Variants in DYTN observed in about 807,000 individuals in gnomAD.
The protein encoded by DYTN is dystrotelin.
In DYTN, 75 loss-of-function variants were observed where a neutral mutation model predicts 69.6. That is an observed-to-expected ratio of 1.08 (90% confidence interval 0.89 to 1.31). The LOEUF (loss-of-function observed/expected upper bound fraction) is 1.31. DYTN is among the 50% of genes most tolerant of loss of function. The pLI is 0.00. For missense variants in DYTN, 726 were observed against 688.4 expected (o/e 1.05, Z -0.61); for synonymous variants, 252 against 249.1 (o/e 1.01, Z -0.11).
At chr2:206,691,239 C>T (rs1392915966) in intron 9 of DYTN, among the ~76,000 whole-genome samples, 2 of 152,040 alleles carry the variant, frequency 1.3e-5, no homozygotes, top group African/African-American at 2.4e-5. Context: ...ATGGTGAAAC[C>T]CCGTCTCTAC....
intron 9 of DYTN, among the ~76,000 whole-genome samples, chr2:206,688,692 G>C (rs1699836465): frequency 6.6e-6 from 1 of 152,150 alleles, no homozygotes; most frequent in African/African-American, 2.4e-5. Context: ...ACAAAAATCA[G>C]CTATTAATTT....
chr2:206,696,188 G>A (rs1337637206), intron 7 of DYTN, among the ~76,000 whole-genome samples: 1 of 152,164 alleles, frequency 6.6e-6, no homozygotes, highest in African/African-American at 2.4e-5. Flanking sequence ...TTAAAGCAAA[G>A]AAAATCCCAA....
Position 206,704,970 on chromosome 2 carries a change from A to G in DYTN, c.383-27T>C, listed in dbSNP as rs1175377595. 5.1e-6 allele frequency: 8 copies of G among 1,568,226 alleles called. No individual in the cohort carries two copies. In the African/African-American group the frequency reaches 6.8e-5, roughly 13 times the overall value. The stretch of plus-strand genomic sequence containing the variant: ...TAGACATGTAGGAGGAACAATCTTT[A>G]AATTGAATACTTGCAATGTATCTTT... On this transcript the variant is annotated intron_variant, in intron 4 of 11. Coordinates refer to ENST00000452335, the MANE Select transcript of DYTN (RefSeq NM_001093730.1).
Position 206,681,046 on chromosome 2 carries a change from C to T in DYTN, c.980+12129G>A, listed in dbSNP as rs180948166. Among the ~76,000 whole-genome samples, 541 of 152,258 alleles carry T rather than the reference C, an allele frequency of 3.6e-3. 1 individual carries two copies. Among genetic ancestry groups the T allele is most frequent in the Non-Finnish European group, 6.3e-3 (427 of 68,018 alleles). On this transcript the variant is annotated intron_variant, in intron 9 of 11. Coordinates refer to ENST00000452335, the MANE Select transcript of DYTN (RefSeq NM_001093730.1). ...CTACCATTTGTGTCCTCTCTTATTTCCTTGAGCAGTGGTTTGTAGTTCTCC... is the reference window on the plus strand; with the variant it reads ...CTACCATTTGTGTCCTCTCTTATTTTCTTGAGCAGTGGTTTGTAGTTCTCC...
chr2:206,696,402 A>G (rs1224902235), intron 7 of DYTN, among the ~76,000 whole-genome samples: 1 of 152,058 alleles, frequency 6.6e-6, no homozygotes, highest in Non-Finnish European at 1.5e-5. Flanking sequence ...ATACCTTGAG[A>G]TCGCCCCTCA....
intron 9 of DYTN, among the ~76,000 whole-genome samples, chr2:206,674,682 T>G (rs1177111832): frequency 2.0e-5 from 3 of 152,064 alleles, no homozygotes; most frequent in Non-Finnish European, 2.9e-5. Flanking sequence ...AAACAAAATT[T>G]AAAGGACGTT....
chr2:206,657,563 A>C (rs984149198), intron 11 of DYTN, among the ~76,000 whole-genome samples: 5 of 152,198 alleles, frequency 3.3e-5, no homozygotes, highest in African/African-American at 1.2e-4. Context: ...AAATTATTTA[A>C]ATACCACTAT....
At chr2:206,655,069 A>T (rs1302345174) in intron 11 of DYTN, among the ~76,000 whole-genome samples, 1 of 152,188 alleles carries the variant, frequency 6.6e-6, no homozygotes, top group Non-Finnish European at 1.5e-5. Flanking sequence ...AAAGAAAAAA[A>T]CTTCAGCTTT....
At chr2:206,675,135 GTGTGTGTGTGTA>G (rs1052877685) in intron 9 of DYTN, among the ~76,000 whole-genome samples, 3 of 139,524 alleles carry the variant, frequency 2.2e-5, no homozygotes, top group African/African-American at 8.0e-5. Flanking sequence ...GTGTGTGTGT[GTGTGTGTGTGTA>G]TATATGTGTA....
chr2:206,682,591 ACT>A (rs1699760707), intron 9 of DYTN, among the ~76,000 whole-genome samples: 1 of 150,846 alleles, frequency 6.6e-6, no homozygotes, highest in Non-Finnish European at 1.5e-5. Context: ...TCCCCTCTAC[ACT>A]CTCTCTTTGA....
At chr2:206,715,286 A>G (rs1417395835) in intron 1 of DYTN, among the ~76,000 whole-genome samples, 1 of 152,172 alleles carries the variant, frequency 6.6e-6, no homozygotes, top group East Asian at 1.9e-4. Context: ...GTGCCTGTCC[A>G]GGATTTCCCA....
intron 9 of DYTN, among the ~76,000 whole-genome samples, chr2:206,673,575 A>T (rs1310073645): frequency 6.8e-6 from 1 of 147,970 alleles, no homozygotes; most frequent in Non-Finnish European, 1.5e-5. Context: ...ATTTTTTAAA[A>T]TAACCTAAGA....
At chr2:206,669,734 TTC>T (rs1362698394) in intron 9 of DYTN, among the ~76,000 whole-genome samples, 1 of 152,222 alleles carries the variant, frequency 6.6e-6, no homozygotes, top group Non-Finnish European at 1.5e-5. Context: ...GTTTTCTAAT[TTC>T]TTTTTCTTAT....
chr2:206,700,734 G>A (rs1320246908), intron 5 of DYTN, among the ~76,000 whole-genome samples: 3 of 151,982 alleles, frequency 2.0e-5, no homozygotes, highest in Non-Finnish European at 4.4e-5. Flanking sequence ...CGTGCATTAG[G>A]TATTTGTCCT....
intron 11 of DYTN, among the ~76,000 whole-genome samples, chr2:206,657,876 T>C (rs1699467762): frequency 6.6e-6 from 1 of 152,218 alleles, no homozygotes; most frequent in Non-Finnish European, 1.5e-5. Flanking sequence ...TCTGTTAGGA[T>C]TCTTGGATCT....
At chr2:206,685,556 A>G (rs545801112) in intron 9 of DYTN, among the ~76,000 whole-genome samples, 2 of 152,250 alleles carry the variant, frequency 1.3e-5, no homozygotes, top group African/African-American at 4.8e-5. Context: ...CTCATCATTG[A>G]CTTTGAACCA....
intron 5 of DYTN, among the ~76,000 whole-genome samples, chr2:206,701,849 T>G (rs72958702): frequency 0.3 from 45,454 of 152,070 alleles, 6,946 homozygotes; most frequent in East Asian, 0.43. Flanking sequence ...TTTGATTGTG[T>G]TAATCTTTAT....
rs1239661791 is a variant in DYTN at position 206,651,877 on chromosome 2, G to A, written c.1678C>T (p.Arg560Ter). 3.7e-6 allele frequency: 6 copies of A among 1,613,426 alleles called. No homozygotes were observed. The highest frequency in any genetic ancestry group is 2.2e-5 in the East Asian group (1 of 44,896). The change falls in exon 12 of 12, where the codon CGA becomes TGA. Residue 560 changes from arginine to a stop codon, truncating the protein, a stop_gained. Coordinates refer to ENST00000452335, the MANE Select transcript of DYTN (RefSeq NM_001093730.1). LOFTEE classifies it high-confidence loss of function. The stretch of plus-strand genomic sequence containing the variant: ...AGGGCAGAGAAGGCCCTGCACACTC[G>A]CTGAGCTCCACTGTACAGGTCCATG... ...VNMDLYSGAQ[R>*]VCRAFSALVD...
rs770094396 is a variant in DYTN at position 206,662,945 on chromosome 2, A to G, written c.1591T>C (p.Leu531=). The change falls in exon 11 of 12, where the codon TTG becomes CTG. Residue 531 remains leucine (L), a synonymous_variant. Transcript: ENST00000452335. ...ELEEEELQEL[L]SKLMDAFNLE... The stretch of plus-strand genomic sequence containing the variant: ...TTGAAGGCATCCATAAGTTTTGACA[A>G]TAGTTCTTGCAGTTCCTCTTCCTCC... The G allele has an allele frequency of 5.6e-6, 9 of 1,613,610 alleles. No individual in the cohort carries two copies. Among genetic ancestry groups the G allele is most frequent in the Non-Finnish European group, 7.6e-6 (9 of 1,179,824 alleles).
Sources: gnomAD v4.1 joint callset for allele counts (sites outside exome capture counted in the v4.1 genomes callset) on GRCh38, gnomAD v4.1.1 for gene constraint, MANE v1.5 for transcripts, NCBI Gene and HGNC (gene_info 2026-07-23, HGNC 2026-07-21) for gene names.